The following AFF3 variants were observed in gnomAD, a reference collection of about 807,000 sequenced individuals.
AFF3 encodes the protein ALF transcription elongation factor 3.
Under a neutral mutation model 129.7 loss-of-function variants are expected in AFF3, and 32 were observed. The ratio of observed to expected loss-of-function variants is 0.25; its 90% confidence interval spans 0.19 to 0.33. The LOEUF (loss-of-function observed/expected upper bound fraction) is 0.33. Ranked by LOEUF, AFF3 falls within the 10% of genes least tolerant of loss-of-function variation. The probability of loss-of-function intolerance (pLI) is 1.00; values close to 1 mark genes in which losing one functional copy is unlikely to be tolerated. For missense variants in AFF3, 1,373 were observed against 1,592.0 expected, an observed-to-expected ratio of 0.86 and a Z score of 2.34; for synonymous variants, 644 against 635.4, an observed-to-expected ratio of 1.01 and a Z score of -0.20.
At chr2:100,016,770 A>G (rs1443273707) in intron 4 of AFF3, among the ~76,000 whole-genome samples, 1 of 145,236 alleles carries the variant, frequency 6.9e-6, no homozygotes, top group Non-Finnish European at 1.5e-5. Context: ...AGTAGTAGTG[A>G]TGGTGGTGGT....
intron 24 of AFF3, among the ~76,000 whole-genome samples, chr2:99,553,917 C>CAAAAAAAAAAAAAAAA (rs1674649199): frequency 1.2e-3 from 85 of 72,450 alleles, no homozygotes; most frequent in Middle Eastern, 0.012. Flanking sequence ...CTGTCTCAAA[C>CAAAAAAAAAAAAAAAA]CAAAAAAAAA....
intron 18 of AFF3, among the ~76,000 whole-genome samples, chr2:99,575,312 T>A (rs1008026773): frequency 6.6e-6 from 1 of 151,996 alleles, no homozygotes; most frequent in African/African-American, 2.4e-5. Context: ...CAGATTGGAG[T>A]GCAATGGCAT....
intron 8 of AFF3, among the ~76,000 whole-genome samples, chr2:99,766,235 G>A (rs1201772444): frequency 6.6e-6 from 1 of 152,260 alleles, no homozygotes; most frequent in African/African-American, 2.4e-5. Context: ...GTTTACCAGA[G>A]GGAAGGTTAG....
intron 10 of AFF3, among the ~76,000 whole-genome samples, chr2:99,738,022 A>G (rs1680397787): frequency 6.6e-6 from 1 of 151,922 alleles, no homozygotes. Flanking sequence ...TCTTTACCAC[A>G]TTTCCAATCC....
chr2:99,595,250 C>T (rs1679167662), intron 14 of AFF3, among the ~76,000 whole-genome samples: 1 of 152,190 alleles, frequency 6.6e-6, no homozygotes, highest in South Asian at 2.1e-4. Context: ...ATTTATCCAG[C>T]ATTATGATAA....
chr2:99,763,251 G>T (rs1016382453), intron 8 of AFF3, among the ~76,000 whole-genome samples: 1 of 152,146 alleles, frequency 6.6e-6, no homozygotes, highest in African/African-American at 2.4e-5. Context: ...CTCAGAACTA[G>T]GAAGTCACAC....
At chr2:99,973,404 G>A (rs1295688399) in intron 7 of AFF3, among the ~76,000 whole-genome samples, 1 of 152,206 alleles carries the variant, frequency 6.6e-6, no homozygotes, top group Non-Finnish European at 1.5e-5. Context: ...AGATAAGCAA[G>A]TCGTTCTACT....
At chr2:100,096,507 G>T (rs1291143923) in intron 4 of AFF3, among the ~76,000 whole-genome samples, 1 of 151,850 alleles carries the variant, frequency 6.6e-6, no homozygotes, top group Non-Finnish European at 1.5e-5. Context: ...CCAAAACAGG[G>T]AGAAGGAAAT....
At chr2:100,141,533 G>A (rs754256361) in intron 1 of AFF3, among the ~76,000 whole-genome samples, 8 of 152,106 alleles carry the variant, frequency 5.3e-5, no homozygotes, top group Non-Finnish European at 1.0e-4. Flanking sequence ...TAGTTTGTAC[G>A]ATCAACATTC....
chr2:99,963,118 G>C (rs1288527936), intron 7 of AFF3, among the ~76,000 whole-genome samples: 1 of 151,794 alleles, frequency 6.6e-6, no homozygotes, highest in African/African-American at 2.4e-5. Context: ...AAACCATGGT[G>C]GCCAGAAAAA....
chr2:100,037,762 A>G lies in AFF3; in HGVS notation c.54-28830T>C, dbSNP rs1462157951. On this transcript the variant is annotated intron_variant, in intron 4 of 24. Coordinates refer to ENST00000672756, the MANE Select transcript of AFF3 (RefSeq NM_001386135.1). ...TTGTGTATAATATATATTATTAAAT[A>G]TAATAAATATATTTATTTTTATATA... Among the ~76,000 whole-genome samples the G allele has an allele frequency of 3.7e-5, 5 of 133,572 alleles. No individual in the cohort carries two copies. In the East Asian group the frequency reaches 8.1e-4, roughly 22 times the overall value. The allele number at this position is 133,572 out of a possible 152,430, so 87.6% of individuals were successfully genotyped here.
intron 7 of AFF3, among the ~76,000 whole-genome samples, chr2:99,976,091 C>T (rs1042031362): frequency 6.6e-6 from 1 of 151,858 alleles, no homozygotes; most frequent in Non-Finnish European, 1.5e-5. Flanking sequence ...GAGGAGTTAA[C>T]GCCAATTCTT....
intron 4 of AFF3, among the ~76,000 whole-genome samples, chr2:100,067,467 T>C (rs1385979218): frequency 6.6e-6 from 1 of 152,180 alleles, no homozygotes; most frequent in African/African-American, 2.4e-5. Context: ...GATCAGTCTG[T>C]TCCCTGAAAG....
chr2:99,987,518 TC>T (rs1369552559), intron 7 of AFF3, among the ~76,000 whole-genome samples: 2 of 152,236 alleles, frequency 1.3e-5, no homozygotes. Context: ...GTATTTATTC[TC>T]AACTTTAGCT....
chr2:99,724,966 T>C (rs1175338554), intron 11 of AFF3, among the ~76,000 whole-genome samples: 2 of 152,084 alleles, frequency 1.3e-5, no homozygotes, highest in African/African-American at 4.8e-5. Flanking sequence ...ACAACTTACC[T>C]ATTTTTTTTC....
At chr2:100,128,693 G>C (rs1047394723) in intron 2 of AFF3, among the ~76,000 whole-genome samples, 1 of 152,126 alleles carries the variant, frequency 6.6e-6, no homozygotes, top group Admixed American at 6.5e-5. Context: ...GGGACACAAG[G>C]GTAGAAATTA....
chr2:99,924,307 C>G (rs111712060), intron 7 of AFF3, among the ~76,000 whole-genome samples: 3 of 152,328 alleles, frequency 2.0e-5, no homozygotes, highest in African/African-American at 7.2e-5. Flanking sequence ...CTCCCTTCAT[C>G]CAACACAAAT....
intron 7 of AFF3, among the ~76,000 whole-genome samples, chr2:99,854,170 T>C (rs1690350449): frequency 6.6e-6 from 1 of 150,728 alleles, no homozygotes; most frequent in Non-Finnish European, 1.5e-5. Flanking sequence ...AGTCAGGCAG[T>C]AGGAATATCT....
intron 11 of AFF3, among the ~76,000 whole-genome samples, chr2:99,726,025 C>A (rs2104990263): frequency 6.6e-6 from 1 of 152,136 alleles, no homozygotes; most frequent in Non-Finnish European, 1.5e-5. Flanking sequence ...TTATATTTTA[C>A]AACACAAAAA....
Sources: allele counts gnomAD v4.1 joint callset (sites outside exome capture counted in the v4.1 genomes callset), GRCh38; gene constraint gnomAD v4.1.1; transcripts MANE v1.5; gene names NCBI Gene and HGNC (gene_info 2026-07-23, HGNC 2026-07-21).